Variants in DPP10 observed in about 807,000 individuals in gnomAD.
DPP10 encodes the protein inactive dipeptidyl peptidase 10.
A neutral mutation model predicts 120.9 loss-of-function variants in DPP10; 33 were observed. The observed-to-expected ratio is 0.27, with a 90% CI of 0.21 to 0.37. The LOEUF (loss-of-function observed/expected upper bound fraction) is 0.37. DPP10 is among the 10% of genes least tolerant of loss of function. The pLI is 1.00. For missense variants in DPP10, 816 were observed against 942.8 expected (o/e 0.87, Z 1.76); for synonymous variants, 337 against 326.1 (o/e 1.03, Z -0.36).
At chr2:115,336,889 T>G (rs1346805329) in intron 2 of DPP10, among the ~76,000 whole-genome samples, 1 of 152,048 alleles carries the variant, frequency 6.6e-6, no homozygotes. Context: ...ATGATTGATA[T>G]CCAGGTTTCT....
chr2:115,282,690 G>A (rs1012305059), intron 1 of DPP10, among the ~76,000 whole-genome samples: 2 of 152,096 alleles, frequency 1.3e-5, no homozygotes, highest in African/African-American at 4.8e-5. Flanking sequence ...ATGTGCCAGA[G>A]CCTAGTTAAA....
rs146831264 is a variant in DPP10 at position 115,787,970 on chromosome 2, T to G, written c.1532-3111T>G. 2.0e-4 allele frequency among the ~76,000 whole-genome samples: 30 copies of G among 152,170 alleles called. No homozygotes were observed. The East Asian group carries it at 5.6e-3, about 28-fold the overall frequency. On this transcript the variant is annotated intron_variant, in intron 17 of 25. Coordinates refer to ENST00000410059, the MANE Select transcript of DPP10 (RefSeq NM_020868.6). ...ACCAAACTGAACTAAACAAAAATTC[T>G]TAATAGAAAAACAAACCTAGAAGAT...
intron 5 of DPP10, among the ~76,000 whole-genome samples, chr2:115,685,903 A>C (rs2090961444): frequency 6.6e-6 from 1 of 152,038 alleles, no homozygotes; most frequent in Non-Finnish European, 1.5e-5. Flanking sequence ...AATACAGTAG[A>C]TTATTATCCA....
At chr2:114,467,196 A>G (rs1034429194) in intron 1 of DPP10, among the ~76,000 whole-genome samples, 2 of 152,194 alleles carry the variant, frequency 1.3e-5, no homozygotes, top group Non-Finnish European at 2.9e-5. Flanking sequence ...GTGGTAAGGA[A>G]CCCTTTAAGG....
chr2:115,189,606 TC>T (rs2054718484), intron 1 of DPP10, among the ~76,000 whole-genome samples: 1 of 152,206 alleles, frequency 6.6e-6, no homozygotes, highest in Non-Finnish European at 1.5e-5. Context: ...TTGAATTTTT[TC>T]AGTTCTTTCT....
At chr2:115,775,950 C>T (rs1352949427) in intron 13 of DPP10, among the ~76,000 whole-genome samples, 1 of 152,036 alleles carries the variant, frequency 6.6e-6, no homozygotes, top group Non-Finnish European at 1.5e-5. Context: ...TCAACAAAAT[C>T]AGTATTCAAA....
At chr2:114,571,690 G>A (rs892691854) in intron 1 of DPP10, among the ~76,000 whole-genome samples, 2 of 151,898 alleles carry the variant, frequency 1.3e-5, no homozygotes, top group Non-Finnish European at 2.9e-5. Context: ...AATTGCTGTG[G>A]TAGGTAGTAA....
chr2:114,536,993 T>C (rs1471894966), intron 1 of DPP10, among the ~76,000 whole-genome samples: 1 of 152,228 alleles, frequency 6.6e-6, no homozygotes, highest in Non-Finnish European at 1.5e-5. Context: ...TTCTGGATGC[T>C]TGAAAAGTCT....
intron 1 of DPP10, among the ~76,000 whole-genome samples, chr2:114,641,004 A>G (rs908287147): frequency 1.3e-5 from 2 of 151,874 alleles, no homozygotes; most frequent in Non-Finnish European, 2.9e-5. Context: ...TTAGTTTCCT[A>G]TCTGGTTTGA....
intron 19 of DPP10, among the ~76,000 whole-genome samples, chr2:115,800,340 T>C (rs1685054818): frequency 6.6e-6 from 1 of 152,138 alleles, no homozygotes; most frequent in South Asian, 2.1e-4. Context: ...TATTAGCCCT[T>C]TGTCAGATGA....
intron 1 of DPP10, among the ~76,000 whole-genome samples, chr2:114,507,026 GTTTTCTTTT>G (rs1318347062): frequency 2.7e-5 from 4 of 150,214 alleles, no homozygotes; most frequent in Admixed American, 6.6e-5. Context: ...GAATTATTCA[GTTTTCTTTT>G]TTTTCTTTTT....
chr2:115,266,013 C>G (rs978359588), intron 1 of DPP10, among the ~76,000 whole-genome samples: 14 of 150,882 alleles, frequency 9.3e-5, no homozygotes, highest in Non-Finnish European at 2.1e-4. Context: ...TAGAAGTTAT[C>G]AAAGATGAAG....
chr2:114,703,413 G>T (rs1700502767), intron 1 of DPP10, among the ~76,000 whole-genome samples: 2 of 152,150 alleles, frequency 1.3e-5, no homozygotes, highest in South Asian at 4.1e-4. Flanking sequence ...AATAAAAAGA[G>T]TAAATTACTT....
At chr2:114,504,780 G>A (rs560774632) in intron 1 of DPP10, among the ~76,000 whole-genome samples, 12 of 152,200 alleles carry the variant, frequency 7.9e-5, no homozygotes, top group African/African-American at 2.4e-4. Flanking sequence ...GTGGCTGGGC[G>A]TGGTGGCTCA....
chr2:115,083,543 G>A (rs1340607015), intron 1 of DPP10, among the ~76,000 whole-genome samples: 9 of 152,002 alleles, frequency 5.9e-5, no homozygotes, highest in Admixed American at 2.0e-4. Flanking sequence ...TGTTTCTCTC[G>A]CACTGCTCTA....
At chr2:114,753,647 C>T (rs1203859335) in intron 1 of DPP10, among the ~76,000 whole-genome samples, 5 of 152,036 alleles carry the variant, frequency 3.3e-5, no homozygotes, top group Non-Finnish European at 7.4e-5. Context: ...CGGTGGCTCA[C>T]GCCTGTAATC....
chr2:115,798,552 G>T (rs1362406234), intron 19 of DPP10, among the ~76,000 whole-genome samples: 2 of 152,060 alleles, frequency 1.3e-5, no homozygotes, highest in Non-Finnish European at 2.9e-5. Context: ...GTCAAAGTGT[G>T]TCTATGATGA....
chr2:115,497,442 A>G (rs2076458385), intron 3 of DPP10, among the ~76,000 whole-genome samples: 1 of 151,968 alleles, frequency 6.6e-6, no homozygotes, highest in Non-Finnish European at 1.5e-5. Context: ...CTTTGCAAAG[A>G]TGTTTTTGCC....
At chr2:114,599,346 T>C (rs1692180627) in intron 1 of DPP10, among the ~76,000 whole-genome samples, 1 of 151,890 alleles carries the variant, frequency 6.6e-6, no homozygotes, top group Non-Finnish European at 1.5e-5. Context: ...ATTCTATTTC[T>C]ATTACTTTAA....
Sources: gnomAD v4.1 joint callset for allele counts (sites outside exome capture counted in the v4.1 genomes callset) on GRCh38, gnomAD v4.1.1 for gene constraint, MANE v1.5 for transcripts, NCBI Gene and HGNC (gene_info 2026-07-23, HGNC 2026-07-21) for gene names.